The following DRC7 variants were observed in gnomAD, a reference collection of about 807,000 sequenced individuals.
DRC7 encodes coiled-coil domain containing 135.
In DRC7, 80 loss-of-function variants were observed where a neutral mutation model predicts 104.4. The ratio of observed to expected loss-of-function variants is 0.77; its 90% CI spans 0.64 to 0.92. The LOEUF is 0.92. Among genes scored for constraint, DRC7 ranks in the 40% least tolerant of loss-of-function variants. The probability of loss-of-function intolerance (pLI) is 0.00; values close to 1 mark genes in which losing one functional copy is unlikely to be tolerated. For missense variants in DRC7, 1,034 were observed against 1,141.1 expected, an observed-to-expected ratio of 0.91 and a Z score of 1.35; for synonymous variants, 405 against 447.3, an observed-to-expected ratio of 0.91 and a Z score of 1.19.
chr16:57,718,568 G>C, intron 9 of DRC7, 93 bp downstream of exon 9: 1 of 1,478,308 alleles, frequency 6.8e-7, no homozygotes, highest in African/African-American at 1.4e-5. Flanking sequence ...TGGCAGTGGG[G>C]GATGGCCCAA....
chr16:57,714,932 G>C (rs1371167886), intron 8 of DRC7: 3 of 317,724 alleles, frequency 9.4e-6, no homozygotes, highest in Non-Finnish European at 1.9e-5. Context: ...GGGAAGACTT[G>C]TTGTGACCTG....
Position 57,731,252 on chromosome 16 carries a change from C to T in DRC7, c.2619C>T (p.Phe873=), listed in dbSNP as rs147283561. Residue 873 remains phenylalanine, a synonymous_variant, in exon 19 of 19, where the codon TTC becomes TTT. Coordinates refer to ENST00000360716, the MANE Select transcript of DRC7 (RefSeq NM_001289162.2). The part of the protein sequence containing the change: ...DPRLGELQKI[F]A ...GCCTGGGGGAGCTCCAGAAAATATTCGCTTGATGTCCCTCCTGGGGCCTCA... is the reference window on the plus strand; with the variant it reads ...GCCTGGGGGAGCTCCAGAAAATATTTGCTTGATGTCCCTCCTGGGGCCTCA... 13 of 1,612,682 alleles carry T rather than the reference C, an allele frequency of 8.1e-6. No individual in the cohort carries two copies. In the African/African-American group the frequency reaches 9.3e-5, roughly 12 times the overall value.
At position 57,707,499 on chromosome 16, in the gene DRC7, C is replaced by T. The variant is rs370833826; in HGVS notation, c.898C>T (p.Arg300Trp). ...KAKPDALHGL[R>W]VHSWVLVLSG... ...AAAGCCGGATGCCCTGCACGGCCTG[C>T]GGGTGCACTCCTGGGTCCTTGTGCT... The change falls in exon 8 of 19, where the codon CGG (arginine) becomes TGG (tryptophan). Residue 300 changes from arginine to tryptophan, a missense_variant. Transcript: ENST00000360716. 44 of 1,613,178 alleles carry T rather than the reference C, an allele frequency of 2.7e-5. No homozygotes were observed. The highest frequency in any genetic ancestry group is 5.0e-5 in the Admixed American group (3 of 59,998).
intron 15 of DRC7, 35 bp from the exon 16 acceptor site, chr16:57,727,264 G>A (rs762000197): frequency 6.0e-6 from 9 of 1,506,948 alleles, no homozygotes; most frequent in Non-Finnish European, 8.3e-6. Flanking sequence ...GAGGAGGGGT[G>A]TCTCCATCAC....
chr16:57,701,807 G>A (rs1344907478), intron 5 of DRC7, 129 bp from the exon 6 acceptor site: 1 of 720,942 alleles, frequency 1.4e-6, no homozygotes, highest in Non-Finnish European at 2.3e-6. Context: ...AGGGTTAGGG[G>A]CCCAAAGCAG....
chr16:57,702,660 G>A (rs570210573), intron 6 of DRC7, among the ~76,000 whole-genome samples: 5 of 152,194 alleles, frequency 3.3e-5, no homozygotes, highest in South Asian at 2.1e-4. Flanking sequence ...AATTAGCCAC[G>A]CATGGTGGCA....
intron 14 of DRC7, chr16:57,726,530 A>T: frequency 1.8e-6 from 1 of 569,238 alleles, no homozygotes; most frequent in East Asian, 2.9e-5. Context: ...AGTCCTGGTC[A>T]GGGCAAACCT....
intron 1 of DRC7, among the ~76,000 whole-genome samples, chr16:57,695,882 GACTCA>G (rs2048587882): frequency 6.6e-6 from 1 of 152,236 alleles, no homozygotes; most frequent in Non-Finnish European, 1.5e-5. Context: ...GGTGGCCAGG[GACTCA>G]CCTCCCTAGG....
chr16:57,724,810 CAG>C lies in DRC7; in HGVS notation c.1736_1737del (p.Glu579ValfsTer45), dbSNP rs779782501. On this transcript the variant is annotated frameshift_variant, in exon 13 of 19. Transcript: ENST00000360716. LOFTEE classifies it high-confidence loss of function. ...GTCAAGAAGCTCACTCTGAGCAGTGCAGAGTCAAACCCCCGGCCCATTGTGGT... is the reference window on the plus strand; with the variant it reads ...GTCAAGAAGCTCACTCTGAGCAGTGCAGTCAAACCCCCGGCCCATTGTGGT... 1.9e-6 allele frequency: 3 copies of C among 1,613,498 alleles called. No homozygotes were observed. Among genetic ancestry groups the C allele is most frequent in the Admixed American group, 1.7e-5 (1 of 59,998 alleles).
intron 14 of DRC7, 74 bp downstream of exon 14, chr16:57,726,357 T>C (rs1187849066): frequency 3.0e-6 from 4 of 1,321,828 alleles, no homozygotes; most frequent in African/African-American, 1.4e-5. Flanking sequence ...TTCCAGCCAC[T>C]TGGGAGAACC....
At chr16:57,716,841 G>A (rs893001417) in intron 8 of DRC7, among the ~76,000 whole-genome samples, 11 of 152,110 alleles carry the variant, frequency 7.2e-5, no homozygotes, top group Admixed American at 7.2e-4. Flanking sequence ...CTCTAGGAAG[G>A]TTGATTAGAA....
intron 8 of DRC7, 89 bp downstream of exon 8, chr16:57,707,767 A>T: frequency 8.3e-7 from 1 of 1,202,362 alleles, no homozygotes; most frequent in Non-Finnish European, 1.2e-6. Flanking sequence ...GACCTTGGGG[A>T]GAGCGAGACA....
chr16:57,698,931 G>A lies in DRC7; in HGVS notation c.285G>A (p.Leu95=). 4 of 1,614,148 alleles carry A rather than the reference G, an allele frequency of 2.5e-6. No individual in the cohort carries two copies. The highest frequency in any genetic ancestry group is 3.4e-6 in the Non-Finnish European group (4 of 1,180,010). The change falls in exon 4 of 19, where the codon CTG becomes CTA. Residue 95 remains leucine (L), a synonymous_variant. Coordinates refer to ENST00000360716, the MANE Select transcript of DRC7 (RefSeq NM_001289162.2). The part of the protein sequence containing the change: ...KTNTPKEEHL[L]QVADNFSRQY... The stretch of plus-strand genomic sequence containing the variant: ...ACACACCCAAGGAGGAACACCTGCT[G>A]CAGGTGGCAGACAACTTCTCCCGCC...
At chr16:57,728,058 G>A (rs565322170) in intron 16 of DRC7, among the ~76,000 whole-genome samples, 86 of 152,334 alleles carry the variant, frequency 5.6e-4, no homozygotes, top group African/African-American at 1.9e-3. Flanking sequence ...AACCACTACC[G>A]TTGACTGAAT....
At chr16:57,704,301 C>T (rs367794221) in intron 6 of DRC7, among the ~76,000 whole-genome samples, 1 of 152,078 alleles carries the variant, frequency 6.6e-6, no homozygotes, top group African/African-American at 2.4e-5. Flanking sequence ...CACAGGCCCA[C>T]CTCTGCAGCC....
At chr16:57,698,720 A>T in intron 3 of DRC7, 130 bp from the exon 4 acceptor site, 1 of 838,384 alleles carries the variant, frequency 1.2e-6, no homozygotes, top group Non-Finnish European at 1.9e-6. Flanking sequence ...TGCAGATGTT[A>T]ATGATACCTG....
At chr16:57,726,415 TG>T in intron 14 of DRC7, 132 bp downstream of exon 14, 1 of 760,988 alleles carries the variant, frequency 1.3e-6, no homozygotes, top group South Asian at 1.8e-5. Context: ...CTTTGCTCTT[TG>T]GGAAAACCAA....
At chr16:57,719,100 T>C (rs1230718104) in intron 9 of DRC7, among the ~76,000 whole-genome samples, 2 of 152,082 alleles carry the variant, frequency 1.3e-5, no homozygotes, top group Non-Finnish European at 2.9e-5. Context: ...CTATCCCAAG[T>C]AGCCATCATG....
chr16:57,714,296 C>T (rs2048818453), intron 8 of DRC7: 2 of 190,954 alleles, frequency 1.0e-5, no homozygotes, highest in Non-Finnish European at 1.1e-5. Flanking sequence ...TTCTTTATGG[C>T]TCTGTAACTC....
Sources: gnomAD v4.1 joint callset for allele counts (sites outside exome capture counted in the v4.1 genomes callset) on GRCh38, gnomAD v4.1.1 for gene constraint, MANE v1.5 for transcripts, NCBI Gene and HGNC (gene_info 2026-07-23, HGNC 2026-07-21) for gene names.